Variants in GSE1 observed in about 807,000 individuals in gnomAD.
GSE1 encodes the protein genetic suppressor element 1.
In GSE1, 32 loss-of-function variants were observed where a neutral mutation model predicts 112.6. The observed-to-expected ratio is 0.28, with a 90% CI of 0.21 to 0.38. The LOEUF (loss-of-function observed/expected upper bound fraction) is 0.38. Ranked by LOEUF, GSE1 falls within the 10% of genes least tolerant of loss-of-function variation. GSE1 has a pLI of 1.00. For synonymous variants in GSE1, 1,115 were observed against 735.6 expected (o/e 1.52, Z -8.35); for missense variants, 2,348 against 1,699.2 (o/e 1.38, Z -6.71).
chr16:85,294,055 G>A (rs759684125), intron 1 of GSE1, among the ~76,000 whole-genome samples: 9 of 152,166 alleles, frequency 5.9e-5, no homozygotes, highest in Non-Finnish European at 1.3e-4. Flanking sequence ...CTCCCCGGCC[G>A]CTGGTGAAAT....
chr16:85,670,254 T>A (rs2053220235), intron 14 of GSE1, among the ~76,000 whole-genome samples: 1 of 152,208 alleles, frequency 6.6e-6, no homozygotes, highest in Non-Finnish European at 1.5e-5. Context: ...TCCTTTTGAA[T>A]TTGTCTGATT....
chr16:85,434,392 G>A (rs1334068950), intron 2 of GSE1, among the ~76,000 whole-genome samples: 2 of 151,964 alleles, frequency 1.3e-5, no homozygotes, highest in Admixed American at 6.6e-5. Context: ...CGCTTTACTT[G>A]TATGTGTAAC....
At chr16:85,448,244 G>A (rs1404154423) in intron 2 of GSE1, among the ~76,000 whole-genome samples, 1 of 152,132 alleles carries the variant, frequency 6.6e-6, no homozygotes, top group Non-Finnish European at 1.5e-5. Flanking sequence ...AAACATACCT[G>A]GGCCCAAGCT....
upstream of GSE1, among the ~76,000 whole-genome samples, chr16:85,610,436 TGGAG>T (rs992389978): frequency 6.6e-5 from 10 of 152,028 alleles, no homozygotes; most frequent in African/African-American, 1.9e-4. Context: ...TGGAGGGAAA[TGGAG>T]GGAGGCCAGC....
At chr16:85,176,741 C>T (rs1010094501) in intron 1 of GSE1, among the ~76,000 whole-genome samples, 1 of 152,264 alleles carries the variant, frequency 6.6e-6, no homozygotes, top group Non-Finnish European at 1.5e-5. Flanking sequence ...GAGCCCAGAA[C>T]AGGTGTTGCT....
chr16:85,663,633 A>G lies in GSE1; in HGVS notation c.2644+19A>G. On this transcript the variant is annotated intron_variant, in intron 11 of 15. Coordinates refer to ENST00000253458, the MANE Select transcript of GSE1 (RefSeq NM_014615.5). ...AGGAAAGGTAGGGCCTCGCCTGGGT[A>G]GGAAGGTGGGGGCTCACTGGGGTGG... The G allele has an allele frequency of 6.2e-7, 1 of 1,600,452 alleles. No homozygotes were observed. Among genetic ancestry groups the G allele is most frequent in the African/African-American group, 1.3e-5 (1 of 74,200 alleles).
intron 1 of GSE1, among the ~76,000 whole-genome samples, chr16:85,192,815 C>T (rs1359275335): frequency 6.6e-6 from 1 of 152,198 alleles, no homozygotes; most frequent in African/African-American, 2.4e-5. Context: ...GGAGAGAAGG[C>T]GATGGGGTCG....
At chr16:85,665,894 C>T (rs573570668) in intron 12 of GSE1, 82 bp from the exon 13 acceptor site, 738 of 1,372,568 alleles carry the variant, frequency 5.4e-4, no homozygotes, top group Non-Finnish European at 7.2e-4. Context: ...AGTGTAAGCT[C>T]TAGAGACCAG....
chr16:85,445,651 G>A (rs1284953523), intron 2 of GSE1, among the ~76,000 whole-genome samples: 2 of 152,214 alleles, frequency 1.3e-5, no homozygotes, highest in Non-Finnish European at 1.5e-5. Context: ...GTTTGGCACT[G>A]TGTTAACGAC....
At chr16:85,401,203 C>T (rs114329838) in intron 2 of GSE1, among the ~76,000 whole-genome samples, 2,777 of 152,244 alleles carry the variant, frequency 0.018, 78 homozygotes, top group African/African-American at 0.061. Flanking sequence ...CAACGTCATG[C>T]GTTATTCAGC....
intron 1 of GSE1, among the ~76,000 whole-genome samples, chr16:85,224,239 G>A (rs755098226): frequency 1.6e-5 from 2 of 125,062 alleles, no homozygotes; most frequent in African/African-American, 3.0e-5. Context: ...CATGAAAAGC[G>A]AGAAGGCGAG....
At chr16:85,570,386 G>A (rs373176233) in intron 1 of GSE1, among the ~76,000 whole-genome samples, 3 of 152,328 alleles carry the variant, frequency 2.0e-5, no homozygotes, top group Admixed American at 1.3e-4. Context: ...GGGGGTTCCC[G>A]CAAGTGGCCT....
chr16:85,623,754 A>G (rs984635716), intron 1 of GSE1, among the ~76,000 whole-genome samples: 12 of 152,134 alleles, frequency 7.9e-5, no homozygotes, highest in African/African-American at 2.7e-4. Context: ...CCGCCTCTGA[A>G]GCTGGAGACC....
chr16:85,615,342 C>T (rs1345958876), intron 1 of GSE1, among the ~76,000 whole-genome samples: 2 of 152,254 alleles, frequency 1.3e-5, no homozygotes, highest in African/African-American at 4.8e-5. Context: ...AGAGCAGCGA[C>T]CTCGGTGCTT....
At chr16:85,230,447 G>T (rs915312174) in intron 1 of GSE1, among the ~76,000 whole-genome samples, 2 of 152,174 alleles carry the variant, frequency 1.3e-5, no homozygotes, top group African/African-American at 4.8e-5. Flanking sequence ...GCAAAAGGGG[G>T]TTTACTGACT....
chr16:85,455,885 T>G (rs546843330), intron 2 of GSE1, among the ~76,000 whole-genome samples: 1 of 152,334 alleles, frequency 6.6e-6, no homozygotes, highest in East Asian at 1.9e-4. Context: ...CCTAATGCCC[T>G]TCCCTCCCAG....
chr16:85,212,852 G>A (rs1479071653), intron 1 of GSE1, among the ~76,000 whole-genome samples: 2 of 152,212 alleles, frequency 1.3e-5, no homozygotes, highest in Non-Finnish European at 2.9e-5. Context: ...CTGTAGCTGG[G>A]TGTGGTGGCT....
rs142117030 is a variant in GSE1 at position 85,591,075 on chromosome 16, G to A, written c.37+34712G>A. The stretch of plus-strand genomic sequence containing the variant: ...CCCTTTCCTCCTTACTCTTGTTCGT[G>A]TGGGAAGAGATGCTAGGGCAGAGGC... On this transcript the variant is annotated intron_variant, in intron 1 of 2. Coordinates refer to the GSE1 transcript ENST00000635906. Among the ~76,000 whole-genome samples the A allele has an allele frequency of 3.1e-4, 47 of 152,314 alleles. 2 individuals are homozygous for A. The East Asian group carries it at 8.5e-3, about 28-fold the overall frequency.
chr16:85,359,810 T>C (rs567612943), intron 2 of GSE1, among the ~76,000 whole-genome samples: 27 of 152,180 alleles, frequency 1.8e-4, no homozygotes, highest in Middle Eastern at 6.8e-3. Flanking sequence ...CCCTGAGTGC[T>C]GGGAGGCCGA....
Sources: gnomAD v4.1 joint callset for allele counts (sites outside exome capture counted in the v4.1 genomes callset) on GRCh38, gnomAD v4.1.1 for gene constraint, MANE v1.5 for transcripts, NCBI Gene and HGNC (gene_info 2026-07-23, HGNC 2026-07-21) for gene names.